XPO5: variants seen among roughly 807,000 people sequenced by gnomAD.
XPO5 encodes exportin-5.
Under a neutral mutation model 160.6 loss-of-function variants are expected in XPO5, and 46 were observed. The ratio of observed to expected loss-of-function variants is 0.29; its 90% CI spans 0.23 to 0.37. The LOEUF (loss-of-function observed/expected upper bound fraction) is 0.37, where lower values mean the gene tolerates loss of function less well. Among genes scored for constraint, XPO5 ranks in the 10% least tolerant of loss-of-function variants. XPO5 has a pLI of 1.00. For synonymous variants in XPO5, 537 were observed against 519.3 expected (o/e 1.03, Z -0.46); for missense variants, 1,090 against 1,463.9 (o/e 0.74, Z 4.17).
rs1215377307 is a variant in XPO5, at chr6:43,524,371, A to T, written c.3477+100T>A. Reference sequence around the variant, plus strand: ...CCATCTCAAAAAAAAAAAAAAAAAAATCTCACCATAATGGTCAATAACTAC... The same window carrying T: ...CCATCTCAAAAAAAAAAAAAAAAAATTCTCACCATAATGGTCAATAACTAC... On this transcript the variant is annotated intron_variant, in intron 31 of 31. Coordinates refer to ENST00000265351, the MANE Select transcript of XPO5 (RefSeq NM_020750.3). The T allele has an allele frequency of 4.3e-5, 60 of 1,385,240 alleles. 1 individual carries two copies. Among genetic ancestry groups the T allele is most frequent in the Non-Finnish European group, 5.4e-5 (56 of 1,044,920 alleles). The allele number at this position is 1,385,240 out of a possible 1,614,324, so 85.8% of individuals were successfully genotyped here. A position where few individuals can be genotyped will look rare whatever the true frequency, so the allele number is the denominator to read the frequency against.
Position 43,536,290 on chromosome 6 carries a change from C to T in XPO5, c.2343-2283G>A, listed in dbSNP as rs143744269. ...ATTAGCCGGGTGTGGTGGTGCATGC[C>T]TATAATCCCAGCTACTTGAGAGGTC... On this transcript the variant is annotated intron_variant, in intron 20 of 31. Coordinates refer to ENST00000265351, the MANE Select transcript of XPO5 (RefSeq NM_020750.3). 6.7e-3 allele frequency among the ~76,000 whole-genome samples: 1,016 copies of T among 151,630 alleles called. 12 individuals are homozygous for T. The highest frequency in any genetic ancestry group is 0.023 in the African/African-American group (933 of 41,288).
chr6:43,575,943 C>A lies in XPO5; in HGVS notation c.-79G>T. On this transcript the variant is annotated 5_prime_UTR_variant, in exon 1 of 32. Coordinates refer to ENST00000265351, the MANE Select transcript of XPO5 (RefSeq NM_020750.3). ...CACGACAGCTCCCTCGGCGAGACCA[C>A]CCGTTGGTACCGGGCCGCGGCGGGC... 1.4e-6 allele frequency: 2 copies of A among 1,419,286 alleles called. No homozygotes were observed. The highest frequency in any genetic ancestry group is 2.0e-6 in the Non-Finnish European group (2 of 1,025,194). 87.9% of individuals were successfully genotyped at this position (1,419,286 alleles called of 1,614,324 possible). A position where few individuals can be genotyped will look rare whatever the true frequency, so the allele number is the denominator to read the frequency against.
In XPO5 at chr6:43,526,696, G is replaced by A. The variant is rs1461357511; in HGVS notation, c.2972C>T (p.Ala991Val). ...ACAGGCTCACTTACCGTCTCCATCT[G>A]CTGGGGGAGCACTACTGTGGTCAGC... ...KGADHSSAPP[A>V]DGDDEEMMAT... The change falls in exon 27 of 32, where the codon GCA becomes GTA. Residue 991 changes from alanine to valine, a missense_variant. Physicochemically the swap from Ala to Val is moderately conservative, Grantham distance 64. This residue lies in a region of XPO5 where 810 missense variants were observed against 1,139.0 expected (regional missense o/e 0.71). Coordinates refer to ENST00000265351, the MANE Select transcript of XPO5 (RefSeq NM_020750.3). 1.9e-6 allele frequency: 3 copies of A among 1,613,950 alleles called. No individual in the cohort carries two copies. The highest frequency in any genetic ancestry group is 2.2e-5 in the South Asian group (2 of 91,052).
At chr6:43,531,931 C>CT (rs558285491) in intron 21 of XPO5, among the ~76,000 whole-genome samples, 255 of 152,242 alleles carry the variant, frequency 1.7e-3, no homozygotes, top group African/African-American at 5.9e-3. Context: ...ACACAAAACA[C>CT]TAAGATGTGT....
chr6:43,563,905 T>C (rs1313815958), intron 8 of XPO5, among the ~76,000 whole-genome samples: 6 of 152,096 alleles, frequency 3.9e-5, no homozygotes, highest in Non-Finnish European at 8.8e-5. Context: ...ATAAATTCTG[T>C]ACCCTTAGGC....
At chr6:43,554,034 T>C (rs1390850464) in intron 13 of XPO5, among the ~76,000 whole-genome samples, 4 of 152,242 alleles carry the variant, frequency 2.6e-5, no homozygotes, top group African/African-American at 7.2e-5. Context: ...GGTGCCATCC[T>C]TCAAGTTTAC....
chr6:43,525,176 G>C lies in XPO5; in HGVS notation c.3105C>G (p.Ser1035=). The change falls in exon 29 of 32, where the codon TCC becomes TCG. Residue 1035 remains serine (S), a synonymous_variant. Transcript: ENST00000265351. ...AGGACAGAGTATCTTTCCAGGCCAG[G>C]GAATTGAAGGCTGTAATTAATAGCG... The part of the protein sequence containing the change: ...CTALLITAFN[S]LAWKDTLSCQ... 3 of 1,584,118 alleles carry C rather than the reference G, an allele frequency of 1.9e-6. No individual in the cohort carries two copies. The South Asian group carries it at 3.5e-5, about 18-fold the overall frequency.
intron 2 of XPO5, among the ~76,000 whole-genome samples, chr6:43,572,841 C>T (rs758632379): frequency 2.0e-4 from 31 of 152,288 alleles, no homozygotes; most frequent in South Asian, 6.2e-4. Context: ...GTCAGCTTTG[C>T]CTCATGATTT....
At chr6:43,528,082 C>G (rs1450953829) in intron 25 of XPO5, 77 bp downstream of exon 25, 5 of 1,423,326 alleles carry the variant, frequency 3.5e-6, no homozygotes, top group Admixed American at 2.0e-5. Flanking sequence ...ACAGCAGAAT[C>G]CCTGCCCGCT....
At chr6:43,556,849 C>T (rs1210859355) in intron 12 of XPO5, among the ~76,000 whole-genome samples, 1 of 152,086 alleles carries the variant, frequency 6.6e-6, no homozygotes, top group Non-Finnish European at 1.5e-5. Flanking sequence ...GAAATGAAGG[C>T]CGGGTGTGGT....
intron 12 of XPO5, among the ~76,000 whole-genome samples, chr6:43,557,043 G>A (rs370871763): frequency 1.3e-4 from 20 of 150,540 alleles, no homozygotes; most frequent in East Asian, 9.8e-4. Context: ...CAGAAAAATC[G>A]CTTGAACCTC....
chr6:43,556,733 CATT>C (rs1210834714), intron 12 of XPO5, among the ~76,000 whole-genome samples: 2 of 152,040 alleles, frequency 1.3e-5, no homozygotes, highest in African/African-American at 4.8e-5. Flanking sequence ...TTCATAGCAG[CATT>C]ATTTGTAATA....
chr6:43,531,723 T>C (rs188425379), intron 21 of XPO5, 148 bp from the exon 22 acceptor site: 2 of 690,124 alleles, frequency 2.9e-6, no homozygotes, highest in Admixed American at 2.4e-5. Context: ...CGTGATTTGC[T>C]GCACTCTTTT....
At chr6:43,551,498 T>C (rs1453529578) in intron 14 of XPO5, 45 bp from the exon 15 acceptor site, 21 of 1,599,424 alleles carry the variant, frequency 1.3e-5, no homozygotes, top group Non-Finnish European at 1.8e-5. Flanking sequence ...TGCCTCCACT[T>C]AGAAATAACC....
chr6:43,526,879 A>C (rs1194317779), intron 26 of XPO5, 132 bp from the exon 27 acceptor site: 2 of 859,528 alleles, frequency 2.3e-6, no homozygotes, highest in Non-Finnish European at 3.8e-6. Context: ...CGTCCAAGGC[A>C]CAAGAATTAG....
chr6:43,571,633 T>C (rs9472082), intron 3 of XPO5, among the ~76,000 whole-genome samples: 1 of 152,124 alleles, frequency 6.6e-6, no homozygotes, highest in Admixed American at 6.5e-5. Context: ...AGTGAGACCC[T>C]GTCTCTCTAA....
rs889486976 is a variant in XPO5 at position 43,558,797 on chromosome 6, C to T, written c.1222-206G>A. ...TTCCTCAGTGGTAGAAAAGAGAATACTTTTAGTTGATACCATCCTCCAAGT... is the reference window on the plus strand; with the variant it reads ...TTCCTCAGTGGTAGAAAAGAGAATATTTTTAGTTGATACCATCCTCCAAGT... On this transcript the variant is annotated intron_variant, in intron 11 of 31. Coordinates refer to ENST00000265351, the MANE Select transcript of XPO5 (RefSeq NM_020750.3). 6.5e-6 allele frequency: 3 copies of T among 458,314 alleles called. No individual in the cohort carries two copies. The Admixed American group carries it at 1.2e-4, about 18-fold the overall frequency. The allele number at this position is 458,314 out of a possible 1,614,324, so 28.4% of individuals were successfully genotyped here.
intron 3 of XPO5, among the ~76,000 whole-genome samples, chr6:43,571,210 G>A (rs755052016): frequency 6.6e-6 from 1 of 152,118 alleles, no homozygotes. Context: ...TCACCTAAAA[G>A]GCTGTCATAT....
chr6:43,569,659 G>A (rs1383390064), intron 5 of XPO5, among the ~76,000 whole-genome samples: 1 of 151,852 alleles, frequency 6.6e-6, no homozygotes, highest in African/African-American at 2.4e-5. Context: ...CTTGAACCCA[G>A]GAGGCGGAGG....
Sources: allele counts gnomAD v4.1 joint callset (sites outside exome capture counted in the v4.1 genomes callset), GRCh38; gene constraint gnomAD v4.1.1; regional missense constraint gnomAD v4.1.1; transcripts MANE v1.5; gene names NCBI Gene and HGNC (gene_info 2026-07-23, HGNC 2026-07-21).